Variants in GLIS3 observed in about 807,000 individuals in gnomAD.
The protein encoded by GLIS3 is GLIS family zinc finger 3.
GLIS3 carries 53 observed loss-of-function variants against 78.6 expected under a neutral mutation model. That is an observed-to-expected ratio of 0.67 (90% CI 0.54 to 0.85). GLIS3 has a LOEUF of 0.85. Ranked by LOEUF, GLIS3 falls within the 40% of genes least tolerant of loss-of-function variation. GLIS3 has a pLI of 0.00. For synonymous variants in GLIS3, 684 were observed against 509.9 expected (o/e 1.34, Z -4.60); for missense variants, 1,703 against 1,231.1 (o/e 1.38, Z -5.74).
the GLIS3 span, among the ~76,000 whole-genome samples, chr9:4,437,705 T>C: frequency 6.6e-6 from 1 of 151,914 alleles, no homozygotes; most frequent in African/African-American, 2.4e-5. Flanking sequence ...CTCCTCCACT[T>C]CTCCCTCTGC....
chr9:3,956,471 A>C (rs1176277396), intron 4 of GLIS3, among the ~76,000 whole-genome samples: 1 of 152,218 alleles, frequency 6.6e-6, no homozygotes, highest in African/African-American at 2.4e-5. Flanking sequence ...CCAATCTTCA[A>C]GCAGAATATT....
At chr9:4,156,129 T>C (rs1438066166) in intron 2 of GLIS3, among the ~76,000 whole-genome samples, 2 of 152,132 alleles carry the variant, frequency 1.3e-5, no homozygotes, top group African/African-American at 2.4e-5. Context: ...TGGCCATTCC[T>C]CTTGATTGAC....
At chr9:3,999,016 TA>T (rs202087703) in intron 4 of GLIS3, among the ~76,000 whole-genome samples, 7 of 151,968 alleles carry the variant, frequency 4.6e-5, no homozygotes, top group Admixed American at 6.6e-5. Flanking sequence ...TTTCTTTCTA[TA>T]AAAAAAGGTG....
the GLIS3 span, among the ~76,000 whole-genome samples, chr9:4,468,247 A>G: frequency 6.6e-6 from 1 of 152,234 alleles, no homozygotes; most frequent in Non-Finnish European, 1.5e-5. Context: ...CCAACCTAGC[A>G]AGGCTGACCA....
intron 2 of GLIS3, among the ~76,000 whole-genome samples, chr9:4,195,208 A>T (rs1818701463): frequency 6.6e-6 from 1 of 152,190 alleles, no homozygotes; most frequent in Non-Finnish European, 1.5e-5. Flanking sequence ...ACGCTTGAGG[A>T]GCCCTTCAGC....
At chr9:4,415,860 A>C in the GLIS3 span, among the ~76,000 whole-genome samples, 1 of 151,992 alleles carries the variant, frequency 6.6e-6, no homozygotes, top group Non-Finnish European at 1.5e-5. Flanking sequence ...GAACAGTCAA[A>C]CAGTTCAGAA....
Position 4,146,058 on chromosome 9 carries a change from C to A in GLIS3, c.389-20117G>T, listed in dbSNP as rs1425188327. ...ACCTATATATTATCTACATGTCTTA[C>A]ATGAGATAGGTACTTTGTTCTAAAG... is the stretch of plus-strand genomic sequence containing the variant. On this transcript the variant is annotated intron_variant, in intron 2 of 10. Coordinates refer to ENST00000381971, the MANE Select transcript of GLIS3 (RefSeq NM_001042413.2). 2.6e-5 allele frequency among the ~76,000 whole-genome samples: 4 copies of A among 152,174 alleles called. No homozygotes were observed. In the East Asian group the frequency reaches 7.7e-4, roughly 29 times the overall value.
chr9:4,021,452 AT>A (rs1299016653), intron 4 of GLIS3, among the ~76,000 whole-genome samples: 1 of 152,170 alleles, frequency 6.6e-6, no homozygotes, highest in African/African-American at 2.4e-5. Flanking sequence ...ACAAGATTGT[AT>A]CCTATACACA....
chr9:4,051,479 A>T (rs1424353427), intron 4 of GLIS3, among the ~76,000 whole-genome samples: 6 of 152,186 alleles, frequency 3.9e-5, no homozygotes, highest in Non-Finnish European at 7.4e-5. Flanking sequence ...TGAAAAATGT[A>T]GCCAAACATA....
At chr9:4,397,884 G>A in the GLIS3 span, among the ~76,000 whole-genome samples, 1 of 151,922 alleles carries the variant, frequency 6.6e-6, no homozygotes, top group Non-Finnish European at 1.5e-5. Context: ...ATACTGTCAA[G>A]CAAACAACTT....
chr9:4,419,486 A>G, the GLIS3 span, among the ~76,000 whole-genome samples: 1 of 152,122 alleles, frequency 6.6e-6, no homozygotes, highest in Admixed American at 6.6e-5. Flanking sequence ...GAGGTGCTAC[A>G]TACTTTAAAA....
At chr9:4,099,754 G>C (rs538773421) in intron 4 of GLIS3, among the ~76,000 whole-genome samples, 105 of 152,296 alleles carry the variant, frequency 6.9e-4, no homozygotes, top group African/African-American at 2.3e-3. Flanking sequence ...TGCATATTAA[G>C]TATGAAGAGA....
intron 2 of GLIS3, among the ~76,000 whole-genome samples, chr9:4,213,120 A>G (rs867685572): frequency 2.0e-5 from 3 of 152,286 alleles, no homozygotes; most frequent in Non-Finnish European, 1.5e-5. Flanking sequence ...AGGCCTTGGT[A>G]TAAAATACCA....
At chr9:4,173,573 C>T (rs1404590809) in intron 2 of GLIS3, among the ~76,000 whole-genome samples, 1 of 74,430 alleles carries the variant, frequency 1.3e-5, no homozygotes, top group Non-Finnish European at 3.0e-5. Context: ...CACACACACA[C>T]ACACACACAC....
intron 2 of GLIS3, among the ~76,000 whole-genome samples, chr9:4,141,330 G>T (rs879707155): frequency 2.0e-5 from 3 of 152,162 alleles, no homozygotes; most frequent in Admixed American, 2.0e-4. Flanking sequence ...ATGGCTGCCT[G>T]GCCAAAATAC....
the GLIS3 span, among the ~76,000 whole-genome samples, chr9:4,462,452 A>G: frequency 6.6e-6 from 1 of 152,114 alleles, no homozygotes; most frequent in South Asian, 2.1e-4. Context: ...CACAGATCAG[A>G]GAGTTAAAAA....
At chr9:4,389,579 A>G in the GLIS3 span, among the ~76,000 whole-genome samples, 1 of 152,216 alleles carries the variant, frequency 6.6e-6, no homozygotes, top group South Asian at 2.1e-4. Flanking sequence ...GTTCAATAGA[A>G]GAATCTAAAT....
intron 2 of GLIS3, among the ~76,000 whole-genome samples, chr9:4,259,747 C>A (rs1183786085): frequency 1.3e-5 from 2 of 152,154 alleles, no homozygotes; most frequent in Non-Finnish European, 2.9e-5. Context: ...GTGGGCAGCA[C>A]CCTCTTGTCA....
Position 3,860,272 on chromosome 9 carries a change from C to CAAAAAAAAAAAA in GLIS3, c.2298-4100_2298-4089dup, listed in dbSNP as rs59923144. 2.2e-4 allele frequency among the ~76,000 whole-genome samples: 12 copies of CAAAAAAAAAAAA among 53,608 alleles called. 1 individual carries two copies. The highest frequency in any genetic ancestry group is 1.3e-3 in the East Asian group (2 of 1,512). The allele number at this position is 53,608 out of a possible 152,430, so 35.2% of individuals were successfully genotyped here. On this transcript the variant is annotated intron_variant, in intron 8 of 10. Coordinates refer to ENST00000381971, the MANE Select transcript of GLIS3 (RefSeq NM_001042413.2). ...CCTGGGTGACAGAGCAAGACTCTGT[C>CAAAAAAAAAAAA]AAAAAAAAAAAAAAAAAAAAAAAAA...
Sources: gnomAD v4.1 joint callset for allele counts (sites outside exome capture counted in the v4.1 genomes callset) on GRCh38, gnomAD v4.1.1 for gene constraint, MANE v1.5 for transcripts, NCBI Gene and HGNC (gene_info 2026-07-23, HGNC 2026-07-21) for gene names.